GPHN: variants seen among roughly 807,000 people sequenced by gnomAD.
GPHN encodes the protein gephyrin.
In GPHN, 17 loss-of-function variants were observed where a neutral mutation model predicts 95.5. The observed-to-expected ratio is 0.18, with a 90% CI of 0.12 to 0.27. The LOEUF is 0.27. Among genes scored for constraint, GPHN ranks in the 10% least tolerant of loss-of-function variants. The probability of loss-of-function intolerance (pLI) is 1.00; values close to 1 mark genes in which losing one functional copy is unlikely to be tolerated. For synonymous variants in GPHN, 320 were observed against 322.5 expected (o/e 0.99, Z 0.08); for missense variants, 660 against 978.1 (o/e 0.67, Z 4.34).
intron 2 of GPHN, among the ~76,000 whole-genome samples, chr14:66,761,496 G>A (rs1483858238): frequency 2.0e-5 from 3 of 152,114 alleles, no homozygotes; most frequent in Non-Finnish European, 4.4e-5. Context: ...CATCTTAGAA[G>A]AGCATAATGA....
intron 14 of GPHN, 48 bp from the exon 15 acceptor site, chr14:67,111,813 A>T: frequency 7.1e-7 from 1 of 1,410,184 alleles, no homozygotes; most frequent in Non-Finnish European, 1.0e-6. Flanking sequence ...ACTAAATTCT[A>T]CTGCTCAGAA....
chr14:67,543,114 G>A, the GPHN span, among the ~76,000 whole-genome samples: 28 of 152,184 alleles, frequency 1.8e-4, no homozygotes, highest in Non-Finnish European at 1.6e-4. Context: ...ATCATTATAT[G>A]TATAGTTTTG....
intron 4 of GPHN, among the ~76,000 whole-genome samples, chr14:66,827,126 A>G (rs2061413940): frequency 6.6e-6 from 1 of 152,082 alleles, no homozygotes; most frequent in South Asian, 2.1e-4. Context: ...TTTACTAAAA[A>G]TACAAAGAAT....
the GPHN span, among the ~76,000 whole-genome samples, chr14:67,251,375 A>G: frequency 3.3e-5 from 5 of 152,172 alleles, no homozygotes; most frequent in African/African-American, 1.2e-4. Flanking sequence ...TCTACAAAAA[A>G]TACGAAAATT....
intron 2 of GPHN, among the ~76,000 whole-genome samples, chr14:66,704,377 G>A (rs928819513): frequency 4.0e-5 from 6 of 151,746 alleles, no homozygotes; most frequent in Non-Finnish European, 5.9e-5. Context: ...TCTCGGTGCC[G>A]CATAGCACTT....
At chr14:67,680,989 C>G in the GPHN span, among the ~76,000 whole-genome samples, 1 of 152,146 alleles carries the variant, frequency 6.6e-6, no homozygotes, top group Non-Finnish European at 1.5e-5. Context: ...TGATTTTTGA[C>G]AAGCTTACTG....
chr14:67,057,488 T>C (rs2075647269), intron 10 of GPHN, among the ~76,000 whole-genome samples: 1 of 151,310 alleles, frequency 6.6e-6, no homozygotes, highest in Non-Finnish European at 1.5e-5. Flanking sequence ...TAGCTGGGCC[T>C]AATACCTAGG....
the GPHN span, chr14:67,312,710 G>C: frequency 6.3e-7 from 1 of 1,592,430 alleles, no homozygotes; most frequent in Admixed American, 1.7e-5. Flanking sequence ...GCTTGTTCCA[G>C]GTAAGACACA....
At chr14:67,436,192 C>T in the GPHN span, among the ~76,000 whole-genome samples, 122 of 152,316 alleles carry the variant, frequency 8.0e-4, no homozygotes, top group Middle Eastern at 6.8e-3. Context: ...ATACTACTGT[C>T]CAGCCAAGGT....
intron 3 of GPHN, among the ~76,000 whole-genome samples, chr14:66,789,426 C>T (rs2059896744): frequency 6.6e-6 from 1 of 152,172 alleles, no homozygotes; most frequent in South Asian, 2.1e-4. Context: ...AAACATCATA[C>T]ACACAACACA....
At chr14:67,465,692 T>C in the GPHN span, among the ~76,000 whole-genome samples, 1 of 152,258 alleles carries the variant, frequency 6.6e-6, no homozygotes, top group Admixed American at 6.5e-5. Context: ...CTGGGTTGAA[T>C]GGTGGCCCAC....
At chr14:67,599,090 T>TAAATTAA in the GPHN span, among the ~76,000 whole-genome samples, 1 of 152,198 alleles carries the variant, frequency 6.6e-6, no homozygotes, top group Non-Finnish European at 1.5e-5. Flanking sequence ...TATGCTAAAT[T>TAAATTAA]ACCATGCTCT....
At chr14:66,529,007 C>G (rs757768988) in intron 1 of GPHN, among the ~76,000 whole-genome samples, 1 of 152,086 alleles carries the variant, frequency 6.6e-6, no homozygotes, top group Non-Finnish European at 1.5e-5. Context: ...TGAATGTTGG[C>G]CTGTCTTGCT....
Position 66,602,116 on chromosome 14 carries a change from C to A in GPHN, c.65-78991C>A, listed in dbSNP as rs1042704698. On this transcript the variant is annotated intron_variant, in intron 1 of 22. Transcript: ENST00000478722. Reference sequence around the variant, plus strand: ...CAAAGTTCCTATCACATAGAAAGCCCTCAGGAAATGTTACTGCCTACCTAA... The same window carrying A: ...CAAAGTTCCTATCACATAGAAAGCCATCAGGAAATGTTACTGCCTACCTAA... 6.6e-5 allele frequency among the ~76,000 whole-genome samples: 10 copies of A among 151,816 alleles called. No individual in the cohort carries two copies. The South Asian group carries it at 1.7e-3, about 25-fold the overall frequency.
intron 9 of GPHN, 74 bp from the exon 10 acceptor site, chr14:67,023,559 T>C: frequency 9.0e-7 from 1 of 1,115,320 alleles, no homozygotes; most frequent in Non-Finnish European, 1.4e-6. Context: ...CCTCAGGAGC[T>C]TGCCCATTAA....
At chr14:67,393,183 C>G in the GPHN span, 4 of 1,613,990 alleles carry the variant, frequency 2.5e-6, no homozygotes, top group Non-Finnish European at 3.4e-6. Flanking sequence ...CTTCCCTGCT[C>G]CATGTTGGGG....
intron 3 of GPHN, among the ~76,000 whole-genome samples, chr14:66,805,970 C>T (rs527612666): frequency 6.6e-6 from 1 of 152,230 alleles, no homozygotes; most frequent in Admixed American, 6.5e-5. Flanking sequence ...TCCAACCCCA[C>T]ATTTCTCTTC....
chr14:66,518,684 A>G (rs2058355542), intron 1 of GPHN, among the ~76,000 whole-genome samples: 1 of 152,190 alleles, frequency 6.6e-6, no homozygotes, highest in Non-Finnish European at 1.5e-5. Context: ...ATTCATGGCA[A>G]CATGGATGGA....
At chr14:67,029,895 C>T (rs1276538687) in intron 10 of GPHN, among the ~76,000 whole-genome samples, 2 of 152,054 alleles carry the variant, frequency 1.3e-5, no homozygotes, top group Admixed American at 6.6e-5. Context: ...ATCACTCCCT[C>T]CTTAATGAAG....
Sources: allele counts gnomAD v4.1 joint callset (sites outside exome capture counted in the v4.1 genomes callset), GRCh38; gene constraint gnomAD v4.1.1; transcripts MANE v1.5; gene names NCBI Gene and HGNC (gene_info 2026-07-23, HGNC 2026-07-21).